ENOX1: variants seen among roughly 807,000 people sequenced by gnomAD.
ENOX1 encodes ecto-NOX disulfide-thiol exchanger 1, also known as candidate growth-related and time keeping constitutive hydroquinone (NADH) oxidase.
ENOX1 carries 42 observed loss-of-function variants against 82.5 expected under a neutral mutation model. The ratio of observed to expected loss-of-function variants is 0.51; its 90% CI spans 0.40 to 0.66. The LOEUF is 0.66. ENOX1 is among the 30% of genes least tolerant of loss of function. The pLI is 0.00. For missense variants in ENOX1, 608 were observed against 811.6 expected (o/e 0.75, Z 3.05); for synonymous variants, 271 against 282.2 (o/e 0.96, Z 0.40).
intron 2 of ENOX1, among the ~76,000 whole-genome samples, chr13:43,514,357 C>A (rs1005798116): frequency 6.6e-6 from 1 of 152,158 alleles, no homozygotes; most frequent in Non-Finnish European, 1.5e-5. Context: ...ATGTTTGTAT[C>A]TAGCACCAAA....
At chr13:43,430,034 G>C (rs2055564854) in intron 3 of ENOX1, among the ~76,000 whole-genome samples, 2 of 152,176 alleles carry the variant, frequency 1.3e-5, no homozygotes, top group South Asian at 2.1e-4. Context: ...GCAAATCAGT[G>C]AATGCATATA....
intron 3 of ENOX1, among the ~76,000 whole-genome samples, chr13:43,422,622 T>C (rs1343080459): frequency 1.3e-5 from 2 of 152,106 alleles, no homozygotes; most frequent in Non-Finnish European, 2.9e-5. Context: ...GAACTCTATA[T>C]TGAGAGAAAG....
At chr13:43,298,124 C>T (rs1042417723) in intron 12 of ENOX1, among the ~76,000 whole-genome samples, 1 of 152,198 alleles carries the variant, frequency 6.6e-6, no homozygotes, top group African/African-American at 2.4e-5. Context: ...CCTTTATTTC[C>T]TACCTCCAGG....
rs1384043442 is a variant in ENOX1, at chr13:43,298,499, C to T, written c.1293G>A (p.Glu431=). The T allele has an allele frequency of 6.2e-7, 1 of 1,613,698 alleles. No individual in the cohort carries two copies. Among genetic ancestry groups the T allele is most frequent in the Admixed American group, 1.7e-5 (1 of 60,012 alleles). The change falls in exon 12 of 17, where the codon GAG becomes GAA. Residue 431 remains glutamate (E), a synonymous_variant. Transcript: ENST00000690772. ...ALAAQAYALK[E]ENDSLRWQLD... is the part of the protein sequence containing the mutation. ...GCTGCCAGCGGAGACTGTCATTCTCCTCTTTCAGAGCGTAGGCCTGGGCAG... is the reference window on the plus strand; with the variant it reads ...GCTGCCAGCGGAGACTGTCATTCTCTTCTTTCAGAGCGTAGGCCTGGGCAG...
intron 1 of ENOX1, among the ~76,000 whole-genome samples, chr13:43,745,141 A>G (rs1034812028): frequency 6.6e-6 from 1 of 152,202 alleles, no homozygotes; most frequent in South Asian, 2.1e-4. Context: ...ATGATGGTTA[A>G]CAGACAATAT....
intron 1 of ENOX1, among the ~76,000 whole-genome samples, chr13:43,765,426 C>A (rs1951208493): frequency 6.6e-6 from 1 of 152,140 alleles, no homozygotes; most frequent in African/African-American, 2.4e-5. Context: ...TGGAGAGCCC[C>A]TTGGAGCCTA....
At chr13:43,383,440 T>A (rs932740) in intron 5 of ENOX1, among the ~76,000 whole-genome samples, 8 of 152,030 alleles carry the variant, frequency 5.3e-5, no homozygotes, top group Admixed American at 3.9e-4. Flanking sequence ...AACATCATTC[T>A]GGGTGCTAAA....
In ENOX1 at chr13:43,380,273, T is replaced by G. The variant is rs544725612; in HGVS notation, c.209-18821A>C. The stretch of plus-strand genomic sequence containing the variant: ...TATATGGTTGAATAGAAAAAAAAAA[T>G]TTTTACTTATTTTTGAACTCTTTAA... On this transcript the variant is annotated intron_variant, in intron 5 of 16. Coordinates refer to ENST00000690772, the MANE Select transcript of ENOX1 (RefSeq NM_001347969.2). Among the ~76,000 whole-genome samples the G allele has an allele frequency of 1.4e-3, 218 of 151,334 alleles. 2 individuals are homozygous for G. In the Middle Eastern group the frequency reaches 0.027, roughly 19 times the overall value.
intron 2 of ENOX1, among the ~76,000 whole-genome samples, chr13:43,542,528 C>T (rs754227773): frequency 2.0e-4 from 31 of 151,708 alleles, no homozygotes; most frequent in Admixed American, 3.9e-4. Context: ...CTCTGCCTCC[C>T]AGGCTCAAGC....
intron 14 of ENOX1, among the ~76,000 whole-genome samples, chr13:43,238,037 G>A (rs940488507): frequency 6.6e-6 from 1 of 152,182 alleles, no homozygotes; most frequent in South Asian, 2.1e-4. Flanking sequence ...AAATGGATAA[G>A]GTAAAGAATT....
intron 1 of ENOX1, among the ~76,000 whole-genome samples, chr13:43,688,134 A>C (rs2153801751): frequency 6.6e-6 from 1 of 152,194 alleles, no homozygotes; most frequent in South Asian, 2.1e-4. Context: ...TTTGGATCCG[A>C]GTTTTGGGAG....
intron 2 of ENOX1, among the ~76,000 whole-genome samples, chr13:43,586,645 C>T (rs1056711937): frequency 2.2e-4 from 34 of 152,310 alleles, no homozygotes; most frequent in African/African-American, 7.7e-4. Flanking sequence ...TTTCCTGCCA[C>T]ATTAGCTTAC....
At chr13:43,334,315 T>C (rs2153536578) in intron 9 of ENOX1, among the ~76,000 whole-genome samples, 2 of 152,310 alleles carry the variant, frequency 1.3e-5, no homozygotes, top group South Asian at 4.1e-4. Flanking sequence ...AAGTTGGCAA[T>C]GGAAATTACA....
In ENOX1 at chr13:43,286,741, G is replaced by A. The variant is rs192044549; in HGVS notation, c.1446+11605C>T. On this transcript the variant is annotated intron_variant, in intron 12 of 16. Coordinates refer to ENST00000690772, the MANE Select transcript of ENOX1 (RefSeq NM_001347969.2). ...ATTAGGGCTTCTCTTCCCCTTCCCA[G>A]AAGTGAATTCAGAGATTTATTTTCA... 6.7e-4 allele frequency among the ~76,000 whole-genome samples: 102 copies of A among 152,280 alleles called. 1 individual carries two copies. Among genetic ancestry groups the A allele is most frequent in the Admixed American group, 6.3e-3 (97 of 15,292 alleles).
intron 3 of ENOX1, among the ~76,000 whole-genome samples, chr13:43,466,083 A>AT (rs1264875612): frequency 6.6e-6 from 1 of 152,198 alleles, no homozygotes; most frequent in Non-Finnish European, 1.5e-5. Context: ...AGTTAAAGGA[A>AT]TGTGGGTAGA....
intron 3 of ENOX1, among the ~76,000 whole-genome samples, chr13:43,454,874 T>C (rs796344289): frequency 6.6e-5 from 10 of 151,714 alleles, no homozygotes; most frequent in African/African-American, 2.2e-4. Flanking sequence ...ATTAGCCCAC[T>C]GGTTAGTCTA....
intron 5 of ENOX1, among the ~76,000 whole-genome samples, chr13:43,379,206 A>G (rs1452516746): frequency 1.3e-5 from 2 of 152,130 alleles, no homozygotes; most frequent in Non-Finnish European, 1.5e-5. Context: ...AAGATAATAA[A>G]TTTGTGTTGT....
At chr13:43,630,370 T>C (rs941856640) in intron 2 of ENOX1, among the ~76,000 whole-genome samples, 8 of 152,152 alleles carry the variant, frequency 5.3e-5, no homozygotes, top group Non-Finnish European at 1.2e-4. Context: ...CCTTAAACCC[T>C]ACTTTCAACA....
At chr13:43,672,643 T>C (rs1442797383) in intron 1 of ENOX1, among the ~76,000 whole-genome samples, 2 of 152,200 alleles carry the variant, frequency 1.3e-5, no homozygotes, top group Non-Finnish European at 2.9e-5. Flanking sequence ...TCATATTATA[T>C]CTGCATATCG....
Sources: allele counts gnomAD v4.1 joint callset (sites outside exome capture counted in the v4.1 genomes callset), GRCh38; gene constraint gnomAD v4.1.1; transcripts MANE v1.5; gene names NCBI Gene and HGNC (gene_info 2026-07-23, HGNC 2026-07-21).